The following EXOC2 variants were observed in gnomAD, a reference collection of about 807,000 sequenced individuals.
EXOC2 encodes the protein exocyst complex component 2, also known as SEC5-like 1.
EXOC2 carries 70 observed loss-of-function variants against 131.8 expected under a neutral mutation model. The observed-to-expected ratio is 0.53, with a 90% confidence interval of 0.44 to 0.65. The LOEUF (loss-of-function observed/expected upper bound fraction) is 0.65. EXOC2 is among the 30% of genes least tolerant of loss of function. The pLI, the probability that EXOC2 is intolerant of heterozygous loss-of-function variation, is 0.00. For missense variants in EXOC2, 923 were observed against 1,108.6 expected (o/e 0.83, Z 2.38); for synonymous variants, 411 against 398.4 (o/e 1.03, Z -0.38).
Position 506,931 on chromosome 6 carries a change from C to A in EXOC2, c.2381-7231G>T, listed in dbSNP as rs1433183212. Among the ~76,000 whole-genome samples the A allele has an allele frequency of 6.6e-6, 1 of 152,088 alleles. No homozygotes were observed. The highest frequency in any genetic ancestry group is 6.6e-5 in the Admixed American group (1 of 15,256). On this transcript the variant is annotated intron_variant, in intron 23 of 27. Transcript: ENST00000230449. The surrounding 1 kb of genome is among the most constrained non-coding windows in gnomAD (Gnocchi z 4.4). ...TGATTTTGGAACAGGCAAACTGGCA[C>A]ACTATTAAAAATACTTCCTGAGTGT...
At chr6:505,364 GTGGCC>G (rs1764481397) in intron 23 of EXOC2, among the ~76,000 whole-genome samples, 1 of 152,206 alleles carries the variant, frequency 6.6e-6, no homozygotes, top group Non-Finnish European at 1.5e-5. Flanking sequence ...CATCTGAGCC[GTGGCC>G]TGAGCGAAGA....
At chr6:685,164 C>T (rs1034020500) in intron 1 of EXOC2, among the ~76,000 whole-genome samples, 1 of 151,832 alleles carries the variant, frequency 6.6e-6, no homozygotes, top group African/African-American at 2.4e-5. Context: ...CCCTCCCAAA[C>T]GTCCACCCTT....
chr6:546,278 T>C (rs759130706), intron 22 of EXOC2, among the ~76,000 whole-genome samples: 25 of 152,144 alleles, frequency 1.6e-4, no homozygotes, highest in Non-Finnish European at 2.4e-4. Context: ...TGCATGCACA[T>C]GGCAGGACGC....
In EXOC2 at chr6:488,971, G is replaced by T. The variant is rs757177718; in HGVS notation, c.2681+8C>A. On this transcript the variant is annotated splice_region_variant and intron_variant, in intron 27 of 27. Transcript: ENST00000230449. ...AACTGGCTCCTAAGAACAGCACACA[G>T]GACTTACTTTTTATCTGCTCCACTG... The T allele has an allele frequency of 6.2e-7, 1 of 1,613,866 alleles. No individual in the cohort carries two copies.
intron 27 of EXOC2, among the ~76,000 whole-genome samples, chr6:488,533 C>T (rs1763227366): frequency 6.6e-6 from 1 of 152,020 alleles, no homozygotes; most frequent in Non-Finnish European, 1.5e-5. Context: ...ACTTTCATAA[C>T]ATTTTGTATT....
intron 1 of EXOC2, among the ~76,000 whole-genome samples, chr6:653,059 C>T (rs928692684): frequency 1.3e-5 from 2 of 152,190 alleles, no homozygotes; most frequent in Non-Finnish European, 2.9e-5. Context: ...GCACCACAAA[C>T]CATGCTCATA....
At chr6:611,507 G>C (rs1042670981) in intron 6 of EXOC2, among the ~76,000 whole-genome samples, 12 of 152,226 alleles carry the variant, frequency 7.9e-5, no homozygotes, top group African/African-American at 2.9e-4. Flanking sequence ...GTCAAGATGA[G>C]GTGACCCTGG....
At chr6:552,880 C>CA (rs1561848310) in intron 21 of EXOC2, among the ~76,000 whole-genome samples, 42 of 150,838 alleles carry the variant, frequency 2.8e-4, no homozygotes, top group East Asian at 1.8e-3. Flanking sequence ...ACACACACAC[C>CA]CCCCCTTCAA....
intron 11 of EXOC2, among the ~76,000 whole-genome samples, chr6:588,128 C>T (rs565138251): frequency 2.0e-5 from 3 of 152,070 alleles, no homozygotes; most frequent in South Asian, 2.1e-4. Context: ...TAGTGAAAAT[C>T]GCTTCTGACC....
At chr6:527,169 TA>T (rs1765791759) in intron 23 of EXOC2, among the ~76,000 whole-genome samples, 1 of 152,254 alleles carries the variant, frequency 6.6e-6, no homozygotes, top group African/African-American at 2.4e-5. Flanking sequence ...AGAGCTACAT[TA>T]AACTTTGAGG....
At chr6:671,739 CCTTA>C (rs1431934841) in intron 1 of EXOC2, among the ~76,000 whole-genome samples, 1 of 151,908 alleles carries the variant, frequency 6.6e-6, no homozygotes, top group Non-Finnish European at 1.5e-5. Context: ...GGTCTTTTTT[CCTTA>C]CTTGTTTGCA....
chr6:568,638 GCA>G (rs1758106404), intron 13 of EXOC2, among the ~76,000 whole-genome samples: 1 of 152,162 alleles, frequency 6.6e-6, no homozygotes, highest in Non-Finnish European at 1.5e-5. Context: ...ATGGAGGGAG[GCA>G]CATGCCAGTA....
chr6:676,247 TCCCCA>T, intron 1 of EXOC2, among the ~76,000 whole-genome samples: 3 of 119,518 alleles, frequency 2.5e-5, no homozygotes, highest in Non-Finnish European at 5.4e-5. Context: ...AGACTGCGGT[TCCCCA>T]TACTCTTCAA....
At chr6:680,065 A>G (rs1764331742) in intron 1 of EXOC2, among the ~76,000 whole-genome samples, 1 of 152,160 alleles carries the variant, frequency 6.6e-6, no homozygotes. Flanking sequence ...AACATACATA[A>G]GAGAGACTAG....
At chr6:596,488 C>T (rs1334986675) in intron 10 of EXOC2, among the ~76,000 whole-genome samples, 2 of 150,420 alleles carry the variant, frequency 1.3e-5, no homozygotes, top group African/African-American at 5.0e-5. Context: ...CTGCCTCAGG[C>T]TCCTGAGTGG....
chr6:566,197 C>G (rs186773172), intron 13 of EXOC2, among the ~76,000 whole-genome samples: 76 of 152,280 alleles, frequency 5.0e-4, no homozygotes, highest in African/African-American at 1.8e-3. Context: ...ACTTAAAATT[C>G]TTTGTACCCC....
chr6:555,013 A>G (rs1054287036), intron 20 of EXOC2, among the ~76,000 whole-genome samples: 3 of 152,198 alleles, frequency 2.0e-5, no homozygotes, highest in Admixed American at 2.0e-4. Context: ...CATGTCTTCA[A>G]TTTGCTTGAT....
intron 11 of EXOC2, among the ~76,000 whole-genome samples, chr6:589,679 C>T (rs1432988243): frequency 1.3e-5 from 2 of 152,246 alleles, no homozygotes; most frequent in African/African-American, 4.8e-5. Flanking sequence ...GCACAGCAGC[C>T]AGCACCCTGG....
rs1441281052 is a variant in EXOC2 at position 489,138 on chromosome 6, A to C, written c.2622-100T>G. ...AATTATTGAGAAGCCAATAAAAGCCAGTGAAGCAAGGAAATATGAGAAAAA... is the reference window on the plus strand; with the variant it reads ...AATTATTGAGAAGCCAATAAAAGCCCGTGAAGCAAGGAAATATGAGAAAAA... On this transcript the variant is annotated intron_variant, in intron 26 of 27. Coordinates refer to ENST00000230449, the MANE Select transcript of EXOC2 (RefSeq NM_018303.6). 6 of 1,094,778 alleles carry C rather than the reference A, an allele frequency of 5.5e-6. No individual in the cohort carries two copies. In the East Asian group the frequency reaches 1.3e-4, roughly 23 times the overall value. The allele number at this position is 1,094,778 out of a possible 1,614,324, so 67.8% of individuals were successfully genotyped here.
Sources: allele counts gnomAD v4.1 joint callset (sites outside exome capture counted in the v4.1 genomes callset), GRCh38; gene constraint gnomAD v4.1.1; non-coding constraint Gnocchi (gnomAD v3.1); transcripts MANE v1.5; gene names NCBI Gene and HGNC (gene_info 2026-07-23, HGNC 2026-07-21).